GPR158: variants seen among roughly 807,000 people sequenced by gnomAD.
The protein encoded by GPR158 is metabotropic glycine receptor.
In GPR158, 30 loss-of-function variants were observed where a neutral mutation model predicts 78.2. The observed-to-expected ratio is 0.38, with a 90% CI of 0.29 to 0.52. GPR158 has a LOEUF of 0.52. GPR158 is among the 20% of genes least tolerant of loss of function. The pLI, the probability that GPR158 is intolerant of heterozygous loss-of-function variation, is 0.83. For missense variants in GPR158, 1,463 were observed against 1,523.5 expected, an observed-to-expected ratio of 0.96 and a Z score of 0.66; for synonymous variants, 581 against 591.1, an observed-to-expected ratio of 0.98 and a Z score of 0.25.
At chr10:25,491,795 A>G (rs1306702922) in intron 5 of GPR158, among the ~76,000 whole-genome samples, 4 of 144,120 alleles carry the variant, frequency 2.8e-5, no homozygotes, top group African/African-American at 5.9e-5. Flanking sequence ...ATCACTGAAG[A>G]ACATTTTACT....
intron 4 of GPR158, among the ~76,000 whole-genome samples, chr10:25,437,593 T>C (rs1163548998): frequency 1.3e-5 from 2 of 152,150 alleles, no homozygotes; most frequent in Admixed American, 6.5e-5. Context: ...TATGGAAAAA[T>C]ACAATATTAG....
chr10:25,365,863 T>C (rs34034972), intron 2 of GPR158, among the ~76,000 whole-genome samples: 9,138 of 151,678 alleles, frequency 0.06, 627 homozygotes, highest in African/African-American at 0.17. Context: ...GGCCTCCTTA[T>C]GTCCCCTACC....
At position 25,252,667 on chromosome 10, in the gene GPR158, C is replaced by A. The variant is rs962334811; in HGVS notation, c.1008+31510C>A. ...GGACCCACTTGAAGAGGCAGTCTGC[C>A]GGTTCTCAGATCTCCAGCTGCGTGC... On this transcript the variant is annotated intron_variant, in intron 2 of 10. Transcript: ENST00000376351. Among the ~76,000 whole-genome samples the A allele has an allele frequency of 1.8e-4, 27 of 152,244 alleles. No homozygotes were observed. In the South Asian group the frequency reaches 4.4e-3, roughly 25 times the overall value.
At chr10:25,357,784 C>T (rs1855573772) in intron 2 of GPR158, among the ~76,000 whole-genome samples, 1 of 147,772 alleles carries the variant, frequency 6.8e-6, no homozygotes. Context: ...GGGGTCAGAG[C>T]TCCCACAGTC....
chr10:25,394,568 TG>T (rs1834343645), intron 2 of GPR158, among the ~76,000 whole-genome samples: 1 of 152,224 alleles, frequency 6.6e-6, no homozygotes, highest in Admixed American at 6.5e-5. Context: ...CTAACTCAGT[TG>T]AATTGACTGG....
At chr10:25,293,030 C>T (rs1196248531) in intron 2 of GPR158, among the ~76,000 whole-genome samples, 2 of 152,158 alleles carry the variant, frequency 1.3e-5, no homozygotes, top group Non-Finnish European at 2.9e-5. Context: ...AGACAGCACA[C>T]AAAAGTTATC....
chr10:25,292,759 A>C (rs1188923698), intron 2 of GPR158, among the ~76,000 whole-genome samples: 1 of 152,172 alleles, frequency 6.6e-6, no homozygotes, highest in Non-Finnish European at 1.5e-5. Flanking sequence ...ACACACACAC[A>C]TTTAGAAAGA....
At chr10:25,437,033 A>G (rs1432564530) in intron 4 of GPR158, among the ~76,000 whole-genome samples, 1 of 152,172 alleles carries the variant, frequency 6.6e-6, no homozygotes, top group African/African-American at 2.4e-5. Context: ...GTAGCAGGAG[A>G]TGCAGAACAA....
chr10:25,353,486 A>G (rs1280440846), intron 2 of GPR158, among the ~76,000 whole-genome samples: 1 of 147,844 alleles, frequency 6.8e-6, no homozygotes, highest in African/African-American at 2.7e-5. Flanking sequence ...TAATAATAAA[A>G]GAAAAAAAAA....
intron 2 of GPR158, among the ~76,000 whole-genome samples, chr10:25,230,508 G>A (rs541420094): frequency 7.2e-5 from 11 of 152,272 alleles, no homozygotes; most frequent in Admixed American, 2.0e-4. Flanking sequence ...TTTGTATTAC[G>A]AAGGACTTTG....
chr10:25,401,444 A>C (rs1834445141), intron 3 of GPR158, among the ~76,000 whole-genome samples: 4 of 152,100 alleles, frequency 2.6e-5, no homozygotes, highest in Non-Finnish European at 5.9e-5. Flanking sequence ...GTAGGGACTA[A>C]TGAAAAATGC....
chr10:25,212,507 C>T (rs1455632099), intron 1 of GPR158, among the ~76,000 whole-genome samples: 1 of 151,938 alleles, frequency 6.6e-6, no homozygotes, highest in South Asian at 2.1e-4. Context: ...AACACAGATC[C>T]AAACCATATC....
chr10:25,249,422 C>T (rs994350480), intron 2 of GPR158, among the ~76,000 whole-genome samples: 23 of 152,188 alleles, frequency 1.5e-4, no homozygotes, highest in African/African-American at 5.3e-4. Context: ...AGTTTTTGCC[C>T]ATTCAGTATG....
In GPR158 at chr10:25,405,508, T is replaced by C. The variant is rs1834501896; in HGVS notation, c.1112-6742T>C. On this transcript the variant is annotated intron_variant, in intron 3 of 10. Coordinates refer to ENST00000376351, the MANE Select transcript of GPR158 (RefSeq NM_020752.3). Reference sequence around the variant, plus strand: ...AAGAGAAACAATTTCCTTTTTTTTTTTTTTTTTTTTTTTTTTTTTTGCTAG... The same window carrying C: ...AAGAGAAACAATTTCCTTTTTTTTTCTTTTTTTTTTTTTTTTTTTTGCTAG... Among the ~76,000 whole-genome samples the C allele has an allele frequency of 1.1e-4, 14 of 122,118 alleles. No individual in the cohort carries two copies. The South Asian group carries it at 3.0e-3, about 26-fold the overall frequency. 80.1% of individuals were successfully genotyped at this position (122,118 alleles called of 152,430 possible).
At chr10:25,551,556 T>C (rs1179971630) in intron 6 of GPR158, among the ~76,000 whole-genome samples, 3 of 152,166 alleles carry the variant, frequency 2.0e-5, no homozygotes, top group African/African-American at 7.2e-5. Flanking sequence ...TGCTTTTGGC[T>C]TTTCTCCTAA....
intron 5 of GPR158, among the ~76,000 whole-genome samples, chr10:25,550,732 C>A (rs1564487221): frequency 6.6e-6 from 1 of 152,084 alleles, no homozygotes; most frequent in Non-Finnish European, 1.5e-5. Context: ...GGTATATCTG[C>A]TAATGCTATC....
chr10:25,195,934 C>T (rs1386245196), intron 1 of GPR158, among the ~76,000 whole-genome samples: 1 of 151,994 alleles, frequency 6.6e-6, no homozygotes, highest in Non-Finnish European at 1.5e-5. Context: ...TTTGATGTAA[C>T]CTGATTTATT....
intron 2 of GPR158, among the ~76,000 whole-genome samples, chr10:25,375,840 C>A (rs1834071416): frequency 6.6e-6 from 1 of 151,438 alleles, no homozygotes; most frequent in Non-Finnish European, 1.5e-5. Context: ...TCATTTAATT[C>A]TTCCTTGTCG....
intron 2 of GPR158, among the ~76,000 whole-genome samples, chr10:25,329,951 A>G (rs983719752): frequency 6.6e-6 from 1 of 152,192 alleles, no homozygotes. Flanking sequence ...AAAACACTAG[A>G]AGTTGTTAGT....
Sources: allele counts gnomAD v4.1 joint callset (sites outside exome capture counted in the v4.1 genomes callset), GRCh38; gene constraint gnomAD v4.1.1; transcripts MANE v1.5; gene names NCBI Gene and HGNC (gene_info 2026-07-23, HGNC 2026-07-21).